XRCC2: variants seen among roughly 807,000 people sequenced by gnomAD.
The protein encoded by XRCC2 is DNA repair protein XRCC2.
XRCC2 carries 24 observed loss-of-function variants against 27.3 expected under a neutral mutation model. That is an observed-to-expected ratio of 0.88 (90% CI 0.64 to 1.24). The LOEUF is 1.24. Among genes scored for constraint, XRCC2 ranks in the 50% most tolerant of loss-of-function variants. XRCC2 has a pLI of 0.00. For synonymous variants in XRCC2, 106 were observed against 115.4 expected (o/e 0.92, Z 0.52); for missense variants, 321 against 325.8 (o/e 0.99, Z 0.11).
At chr7:152,672,572 C>A (rs934028078) in intron 1 of XRCC2, among the ~76,000 whole-genome samples, 2 of 152,176 alleles carry the variant, frequency 1.3e-5, no homozygotes, top group African/African-American at 2.4e-5. Context: ...ACAATGCTTG[C>A]TCCTGGCAGA....
chr7:152,674,781 A>G (rs1482028314), intron 1 of XRCC2, among the ~76,000 whole-genome samples: 1 of 132,802 alleles, frequency 7.5e-6, no homozygotes, highest in African/African-American at 3.0e-5. Flanking sequence ...TATATTTTTA[A>G]ATATATATAT....
chr7:152,645,267 C>T lies in XRCC2; in HGVS notation c.*3375G>A, dbSNP rs920161826. 6.6e-6 allele frequency: 1 copy of T among 151,498 alleles called. No individual in the cohort carries two copies. The highest frequency in any genetic ancestry group is 2.4e-5 in the African/African-American group (1 of 41,302). The allele number at this position is 151,498 out of a possible 1,614,324, so 9.4% of individuals were successfully genotyped here. Reference sequence around the variant, plus strand: ...TTATATATATTTAAAATTCCATTTTCTTTTTTAAAATTTATTTTTATAGAG... The same window carrying T: ...TTATATATATTTAAAATTCCATTTTTTTTTTTAAAATTTATTTTTATAGAG... On this transcript the variant is annotated 3_prime_UTR_variant, in exon 3 of 3. Coordinates refer to ENST00000359321, the MANE Select transcript of XRCC2 (RefSeq NM_005431.2).
Position 152,647,604 on chromosome 7 carries a change from CTT to C in XRCC2, c.*1036_*1037del, listed in dbSNP as rs2098026595. Reference sequence around the variant, plus strand: ...CATAAGGAAGGCGTCCATTTTCAATCTTTTCCATATGGCTGGCCAGTTATCCC... The same window carrying C: ...CATAAGGAAGGCGTCCATTTTCAATCTTCCATATGGCTGGCCAGTTATCCC... On this transcript the variant is annotated 3_prime_UTR_variant, in exon 3 of 3. Coordinates refer to ENST00000359321, the MANE Select transcript of XRCC2 (RefSeq NM_005431.2). 1 of 152,148 alleles carries C rather than the reference CTT, an allele frequency of 6.6e-6. No homozygotes were observed. The highest frequency in any genetic ancestry group is 6.5e-5 in the Admixed American group (1 of 15,274). The allele number at this position is 152,148 out of a possible 1,614,324, so 9.4% of individuals were successfully genotyped here.
chr7:152,649,129 T>A lies in XRCC2; in HGVS notation c.356A>T (p.Tyr119Phe), dbSNP rs540634835. 6.2e-7 allele frequency: 1 copy of A among 1,613,692 alleles called. No individual in the cohort carries two copies. The highest frequency in any genetic ancestry group is 8.5e-7 in the Non-Finnish European group (1 of 1,179,908). Residue 119 changes from tyrosine to phenylalanine, a missense_variant, in exon 3 of 3, where the codon TAC becomes TTC. Coordinates refer to ENST00000359321, the MANE Select transcript of XRCC2 (RefSeq NM_005431.2). The part of the protein sequence containing the change: ...KYCLGRFFLV[Y>F]CSSSTHLLLT... Reference sequence around the variant, plus strand: ...AAGTAAGTGGGTGCTACTACTGCAGTACACCAAAAAAAATCTTCCCAGGCA... The same window carrying A: ...AAGTAAGTGGGTGCTACTACTGCAGAACACCAAAAAAAATCTTCCCAGGCA...
chr7:152,670,144 A>G (rs2098037592), intron 1 of XRCC2, among the ~76,000 whole-genome samples: 1 of 152,158 alleles, frequency 6.6e-6, no homozygotes, highest in South Asian at 2.1e-4. Flanking sequence ...TCTACCTGGA[A>G]TATCTTTAGC....
At chr7:152,673,643 G>T (rs940680303) in intron 1 of XRCC2, among the ~76,000 whole-genome samples, 1 of 152,018 alleles carries the variant, frequency 6.6e-6, no homozygotes, top group Non-Finnish European at 1.5e-5. Flanking sequence ...TTAGGCAGGC[G>T]GATCATGAGG....
At chr7:152,650,931 CTTA>C in intron 2 of XRCC2, among the ~76,000 whole-genome samples, 1 of 152,142 alleles carries the variant, frequency 6.6e-6, no homozygotes, top group Middle Eastern at 3.4e-3. Flanking sequence ...TACTTTATTT[CTTA>C]TTATTTAATT....
chr7:152,664,025 A>T (rs1590135642), intron 1 of XRCC2: 1 of 152,184 alleles, frequency 6.6e-6, no homozygotes. Context: ...ACCTTCGGAC[A>T]CCAGAGTCTA....
intron 1 of XRCC2, among the ~76,000 whole-genome samples, chr7:152,666,349 C>T (rs1192194484): frequency 6.6e-6 from 1 of 151,888 alleles, no homozygotes. Flanking sequence ...GTAGCTGGGA[C>T]CACAGGTGTG....
chr7:152,665,390 A>G (rs3111465), intron 1 of XRCC2, among the ~76,000 whole-genome samples: 143,914 of 151,966 alleles, frequency 0.95, 68,201 homozygotes, highest in Admixed American at 0.96. Flanking sequence ...CTCCTCTGGA[A>G]AACTGTGCCT....
chr7:152,661,060 A>G (rs1206412363), intron 1 of XRCC2, among the ~76,000 whole-genome samples: 1 of 152,122 alleles, frequency 6.6e-6, no homozygotes, highest in Non-Finnish European at 1.5e-5. Context: ...GCTACTGAGG[A>G]GGCTGAGGTG....
chr7:152,670,504 G>A (rs1245954930), intron 1 of XRCC2, among the ~76,000 whole-genome samples: 2 of 152,162 alleles, frequency 1.3e-5, no homozygotes, highest in African/African-American at 4.8e-5. Context: ...AGAAGTCCGT[G>A]AGTACACATC....
intron 1 of XRCC2, among the ~76,000 whole-genome samples, chr7:152,667,626 T>C (rs1326269264): frequency 1.3e-5 from 2 of 151,604 alleles, no homozygotes; most frequent in Admixed American, 6.6e-5. Context: ...AAGCAGAGTA[T>C]ACTGAATTAT....
chr7:152,662,700 G>A lies in XRCC2; in HGVS notation c.40-1918C>T, dbSNP rs1218093151. 2.0e-5 allele frequency among the ~76,000 whole-genome samples: 3 copies of A among 146,850 alleles called. No homozygotes were observed. In the East Asian group the frequency reaches 6.2e-4, roughly 30 times the overall value. On this transcript the variant is annotated intron_variant, in intron 1 of 2. Coordinates refer to ENST00000359321, the MANE Select transcript of XRCC2 (RefSeq NM_005431.2). ...CCATTCTCCTGCCTCAGCCTCCCAA[G>A]TAGCTGGGACTACAGGCGCCCGCCA...
intron 2 of XRCC2, among the ~76,000 whole-genome samples, chr7:152,652,618 T>C (rs2098029020): frequency 6.6e-6 from 1 of 152,172 alleles, no homozygotes; most frequent in Admixed American, 6.5e-5. Flanking sequence ...ATATAATCAC[T>C]ATTTACTTGA....
intron 2 of XRCC2, among the ~76,000 whole-genome samples, chr7:152,655,099 A>G (rs1470196637): frequency 6.6e-6 from 1 of 152,192 alleles, no homozygotes; most frequent in East Asian, 1.9e-4. Flanking sequence ...AACTCGCAGT[A>G]AAAAAATCCC....
rs749538198 is a variant in XRCC2, at chr7:152,660,716, C to T, written c.106G>A (p.Asp36Asn). 39 of 1,613,102 alleles carry T rather than the reference C, an allele frequency of 2.4e-5. 1 individual carries two copies. In the South Asian group the frequency reaches 3.7e-4, roughly 15 times the overall value. Reference sequence around the variant, plus strand: ...TATTTTTTACCATGCACAGGTGAATCTTCATCAGCAAACAGATTTGGTTCT... The same window carrying T: ...TATTTTTTACCATGCACAGGTGAATTTTCATCAGCAAACAGATTTGGTTCT... ...EIEPNLFADE[D>N]SPVHGDILEF... Residue 36 changes from aspartate (D) to asparagine (N), a missense_variant, in exon 2 of 3, where the codon GAT becomes AAT. Asp to Asn is a conservative substitution (Grantham distance 23, BLOSUM62 1). Coordinates refer to ENST00000359321, the MANE Select transcript of XRCC2 (RefSeq NM_005431.2).
At chr7:152,667,878 A>C (rs1242955887) in intron 1 of XRCC2, among the ~76,000 whole-genome samples, 1 of 151,914 alleles carries the variant, frequency 6.6e-6, no homozygotes, top group Non-Finnish European at 1.5e-5. Flanking sequence ...AATACAAAAA[A>C]TTAGCTAGGC....
At chr7:152,656,952 A>G (rs758137638) in intron 2 of XRCC2, among the ~76,000 whole-genome samples, 2 of 152,124 alleles carry the variant, frequency 1.3e-5, no homozygotes, top group Non-Finnish European at 2.9e-5. Context: ...AAAAGACAGT[A>G]CAGGCCAGGT....
Sources: gnomAD v4.1 joint callset for allele counts (sites outside exome capture counted in the v4.1 genomes callset) on GRCh38, gnomAD v4.1.1 for gene constraint, MANE v1.5 for transcripts, NCBI Gene and HGNC (gene_info 2026-07-23, HGNC 2026-07-21) for gene names.